The following LEPROT variants were observed in gnomAD, a reference collection of about 807,000 sequenced individuals.
The protein encoded by LEPROT is leptin receptor overlapping transcript.
A neutral mutation model predicts 15.4 loss-of-function variants in LEPROT; 3 were observed. The observed-to-expected ratio is 0.19, with a 90% confidence interval of 0.09 to 0.50. The LOEUF (loss-of-function observed/expected upper bound fraction) is 0.50, where lower values mean the gene tolerates loss of function less well. Ranked by LOEUF, LEPROT falls within the 20% of genes least tolerant of loss-of-function variation. The pLI is 0.97. For synonymous variants in LEPROT, 59 were observed against 57.5 expected (o/e 1.03, Z -0.12); for missense variants, 137 against 162.2 (o/e 0.84, Z 0.84).
intron 2 of LEPROT, among the ~76,000 whole-genome samples, chr1:65,426,871 G>GC (rs1441932201): frequency 2.0e-5 from 3 of 152,298 alleles, no homozygotes; most frequent in South Asian, 2.1e-4. Context: ...GGTGGCACAC[G>GC]CCTGTATTCC....
chr1:65,434,239 A>G lies in LEPROT; in HGVS notation c.*2320A>G, dbSNP rs1646527452. 2.0e-6 allele frequency: 2 copies of G among 977,810 alleles called. No homozygotes were observed. Among genetic ancestry groups the G allele is most frequent in the Non-Finnish European group, 2.4e-6 (2 of 823,100 alleles). The allele number at this position is 977,810 out of a possible 1,614,324, so 60.6% of individuals were successfully genotyped here. Reference sequence around the variant, plus strand: ...TTTAAACAGTAAATATTAATAGGAAATATTGCTATATCTGAATATATAATA... The same window carrying G: ...TTTAAACAGTAAATATTAATAGGAAGTATTGCTATATCTGAATATATAATA... On this transcript the variant is annotated 3_prime_UTR_variant, in exon 4 of 4. Coordinates refer to ENST00000371065, the MANE Select transcript of LEPROT (RefSeq NM_017526.5).
At position 65,431,841 on chromosome 1, in the gene LEPROT, T is replaced by C. The variant is rs1163900471; in HGVS notation, c.318T>C (p.Asn106=). The change falls in exon 4 of 4, where the codon AAT becomes AAC. Residue 106 remains asparagine (N), a synonymous_variant. Coordinates refer to ENST00000371065, the MANE Select transcript of LEPROT (RefSeq NM_017526.5). The part of the protein sequence containing the change: ...WGACGLVLAG[N]AVIFLTIQGF... The stretch of plus-strand genomic sequence containing the variant: ...CCTGCGGCCTTGTGTTGGCAGGCAA[T>C]GCAGTCATTTTCCTTACAATTCAAG... The C allele has an allele frequency of 6.2e-7, 1 of 1,614,012 alleles. No homozygotes were observed. Among genetic ancestry groups the C allele is most frequent in the African/African-American group, 1.3e-5 (1 of 74,952 alleles).
At chr1:65,424,283 A>G (rs975489926) in intron 1 of LEPROT, among the ~76,000 whole-genome samples, 4 of 152,236 alleles carry the variant, frequency 2.6e-5, no homozygotes, top group African/African-American at 9.6e-5. Flanking sequence ...CAATCTTCAA[A>G]TACTTGCAGT....
In LEPROT at chr1:65,435,316, T is replaced by C; in HGVS notation, c.*3397T>C. On this transcript the variant is annotated 3_prime_UTR_variant, in exon 4 of 4. Coordinates refer to ENST00000371065, the MANE Select transcript of LEPROT (RefSeq NM_017526.5). Reference sequence around the variant, plus strand: ...TTCATTATGTTAATAACCTTCTTTATGTTCTCAGGGAAATGCTTAGGTGGT... The same window carrying C: ...TTCATTATGTTAATAACCTTCTTTACGTTCTCAGGGAAATGCTTAGGTGGT... The C allele has an allele frequency of 1.0e-6, 1 of 985,256 alleles. No homozygotes were observed. The highest frequency in any genetic ancestry group is 1.2e-6 in the Non-Finnish European group (1 of 829,818). 61.0% of individuals were successfully genotyped at this position (985,256 alleles called of 1,614,324 possible). A position where few individuals can be genotyped will look rare whatever the true frequency, so the allele number is the denominator to read the frequency against.
chr1:65,430,436 A>G (rs1408810825), intron 3 of LEPROT: 1 of 156,550 alleles, frequency 6.4e-6, no homozygotes, highest in Non-Finnish European at 1.4e-5. Flanking sequence ...CTCAACTCTC[A>G]ACTCAGTATA....
intron 1 of LEPROT, among the ~76,000 whole-genome samples, chr1:65,421,762 C>G (rs141121976): frequency 1.6e-4 from 25 of 152,138 alleles, no homozygotes; most frequent in African/African-American, 6.0e-4. Flanking sequence ...GAAGCCAATG[C>G]CGAAAACAGA....
chr1:65,428,492 C>T (rs969451492), intron 2 of LEPROT, among the ~76,000 whole-genome samples: 17 of 152,220 alleles, frequency 1.1e-4, no homozygotes, highest in African/African-American at 3.4e-4. Context: ...AACATACTAT[C>T]ATCCCTCTAG....
Position 65,434,864 on chromosome 1 carries a change from C to T in LEPROT, c.*2945C>T. The T allele has an allele frequency of 2.0e-6, 2 of 985,436 alleles. No homozygotes were observed. The highest frequency in any genetic ancestry group is 2.4e-6 in the Non-Finnish European group (2 of 829,908). The allele number at this position is 985,436 out of a possible 1,614,324, so 61.0% of individuals were successfully genotyped here. A position where few individuals can be genotyped will look rare whatever the true frequency, so the allele number is the denominator to read the frequency against. Reference sequence around the variant, plus strand: ...CTCCCATTAGTCAGTTCTCTAAGTACAGCTGATGTCATGTGGTGCTGAGAA... The same window carrying T: ...CTCCCATTAGTCAGTTCTCTAAGTATAGCTGATGTCATGTGGTGCTGAGAA... On this transcript the variant is annotated 3_prime_UTR_variant, in exon 4 of 4. Transcript: ENST00000371065.
intron 1 of LEPROT, 64 bp downstream of exon 1, chr1:65,420,804 C>A: frequency 6.5e-7 from 1 of 1,543,254 alleles, no homozygotes; most frequent in African/African-American, 1.4e-5. Context: ...CCGGTCAAGC[C>A]TGGGGCTGCG....
Position 65,434,744 on chromosome 1 carries a change from G to T in LEPROT, c.*2825G>T. On this transcript the variant is annotated 3_prime_UTR_variant, in exon 4 of 4. Transcript: ENST00000371065. ...CCCTTGAGATCCAGGTACACTCCTG[G>T]GAGTTTTGTTCACCTCTCCCAACTG... 3 of 985,284 alleles carry T rather than the reference G, an allele frequency of 3.0e-6. No homozygotes were observed. The highest frequency in any genetic ancestry group is 3.6e-6 in the Non-Finnish European group (3 of 829,946). The allele number at this position is 985,284 out of a possible 1,614,324, so 61.0% of individuals were successfully genotyped here. A position where few individuals can be genotyped will look rare whatever the true frequency, so the allele number is the denominator to read the frequency against.
chr1:65,432,992 G>A lies in LEPROT; in HGVS notation c.*1073G>A. ...TCCCCCAAAAAAACATCTCAGTGGG[G>A]AACAGATGTATCTTTTCATCTGAAA... is the stretch of plus-strand genomic sequence containing the variant. On this transcript the variant is annotated 3_prime_UTR_variant, in exon 4 of 4. Coordinates refer to ENST00000371065, the MANE Select transcript of LEPROT (RefSeq NM_017526.5). 1 of 985,362 alleles carries A rather than the reference G, an allele frequency of 1.0e-6. No homozygotes were observed. The highest frequency in any genetic ancestry group is 1.2e-6 in the Non-Finnish European group (1 of 829,892). 61.0% of individuals were successfully genotyped at this position (985,362 alleles called of 1,614,324 possible).
At chr1:65,428,893 G>A (rs1325387715) in intron 2 of LEPROT, among the ~76,000 whole-genome samples, 1 of 151,976 alleles carries the variant, frequency 6.6e-6, no homozygotes, top group Admixed American at 6.6e-5. Context: ...TTTTGTTTTT[G>A]CATTACACTA....
At chr1:65,423,716 A>G (rs541521514) in intron 1 of LEPROT, among the ~76,000 whole-genome samples, 1 of 152,216 alleles carries the variant, frequency 6.6e-6, no homozygotes, top group African/African-American at 2.4e-5. Flanking sequence ...CTTCCTATTA[A>G]AGAGTCTCTC....
intron 2 of LEPROT, among the ~76,000 whole-genome samples, chr1:65,428,525 C>T (rs1034863193): frequency 7.9e-5 from 12 of 152,146 alleles, no homozygotes; most frequent in African/African-American, 2.7e-4. Context: ...GGTCCAAATC[C>T]ACTGTTTCCA....
chr1:65,426,770 G>A (rs540999194), intron 2 of LEPROT, among the ~76,000 whole-genome samples: 109 of 151,908 alleles, frequency 7.2e-4, no homozygotes, highest in South Asian at 1.0e-3. Flanking sequence ...AGGCTGAGGC[G>A]GGCAGATCAC....
chr1:65,425,771 G>A (rs1366608220), intron 2 of LEPROT, among the ~76,000 whole-genome samples: 2 of 152,206 alleles, frequency 1.3e-5, no homozygotes, highest in Non-Finnish European at 2.9e-5. Context: ...GAGTTTCAGT[G>A]GGACAGTCAG....
At chr1:65,425,465 C>A in intron 2 of LEPROT, 87 bp downstream of exon 2, 1 of 1,152,004 alleles carries the variant, frequency 8.7e-7, no homozygotes, top group Non-Finnish European at 1.2e-6. Flanking sequence ...GTCAATTTAG[C>A]ACCAAGTTCT....
chr1:65,429,637 T>C (rs1369687817), intron 2 of LEPROT, among the ~76,000 whole-genome samples: 2 of 152,206 alleles, frequency 1.3e-5, no homozygotes, highest in Non-Finnish European at 2.9e-5. Flanking sequence ...GTATATATTA[T>C]ATAGTGGCTT....
intron 1 of LEPROT, among the ~76,000 whole-genome samples, chr1:65,423,207 A>G (rs533802821): frequency 1.3e-5 from 2 of 152,182 alleles, no homozygotes; most frequent in African/African-American, 4.8e-5. Context: ...TTTAGGACCT[A>G]CTCTGGGCTG....
Sources: allele counts gnomAD v4.1 joint callset (sites outside exome capture counted in the v4.1 genomes callset), GRCh38; gene constraint gnomAD v4.1.1; transcripts MANE v1.5; gene names NCBI Gene and HGNC (gene_info 2026-07-23, HGNC 2026-07-21).